Variants in HIP1 observed in about 807,000 individuals in gnomAD.
The protein encoded by HIP1 is huntingtin interacting protein 1.
In HIP1, 65 loss-of-function variants were observed where a neutral mutation model predicts 147.6. The observed-to-expected ratio is 0.44, with a 90% confidence interval of 0.36 to 0.54. The LOEUF is 0.54. HIP1 is among the 20% of genes least tolerant of loss of function. HIP1 has a pLI of 0.00. For synonymous variants in HIP1, 479 were observed against 504.0 expected (o/e 0.95, Z 0.67); for missense variants, 1,061 against 1,299.6 (o/e 0.82, Z 2.82).
intron 1 of HIP1, among the ~76,000 whole-genome samples, chr7:75,638,005 T>TACACACACACAC (rs372119007): frequency 4.5e-4 from 20 of 44,006 alleles, no homozygotes; most frequent in African/African-American, 2.1e-3. Context: ...CACACACACA[T>TACACACACACAC]ACACACACAC....
chr7:75,704,333 C>T (rs1324097163), intron 1 of HIP1, among the ~76,000 whole-genome samples: 4 of 152,086 alleles, frequency 2.6e-5, no homozygotes, highest in Non-Finnish European at 5.9e-5. Context: ...GCAACCTCCG[C>T]CTCCCGGTTC....
At chr7:75,555,653 C>T (rs1415730076) in intron 18 of HIP1, 102 bp from the exon 19 acceptor site, 1 of 1,242,922 alleles carries the variant, frequency 8.0e-7, no homozygotes, top group Non-Finnish European at 1.1e-6. Flanking sequence ...CAAGTCATGG[C>T]CAATGAGGTC....
At chr7:75,654,191 T>C (rs1799077947) in intron 1 of HIP1, among the ~76,000 whole-genome samples, 1 of 152,078 alleles carries the variant, frequency 6.6e-6, no homozygotes. Flanking sequence ...GGTCAGGAGT[T>C]TAAGACCAGC....
At position 75,581,250 on chromosome 7, in the gene HIP1, G is replaced by C; in HGVS notation, c.591C>G (p.Asn197Lys). ...GAAGAGACTCACCTGTTTGGAAGAG[G>C]TTGAGTTCACACTCCAGGTAGTCAA... The part of the protein sequence containing the change: ...EMFDYLECEL[N>K]LFQTVFNSLD... The change falls in exon 7 of 31, where the codon AAC becomes AAG. Residue 197 changes from asparagine (N) to lysine (K), a missense_variant. Coordinates refer to ENST00000336926, the MANE Select transcript of HIP1 (RefSeq NM_005338.7). 1.2e-6 allele frequency: 2 copies of C among 1,611,058 alleles called. No individual in the cohort carries two copies. Among genetic ancestry groups the C allele is most frequent in the Non-Finnish European group, 1.7e-6 (2 of 1,178,408 alleles).
At chr7:75,632,718 T>A (rs1798276361) in intron 1 of HIP1, among the ~76,000 whole-genome samples, 1 of 152,002 alleles carries the variant, frequency 6.6e-6, no homozygotes, top group Admixed American at 6.6e-5. Flanking sequence ...CTTTACAAAT[T>A]ACCAGGTCTC....
In HIP1 at chr7:75,568,076, A is replaced by G. The variant is rs782807919; in HGVS notation, c.803+123T>C. On this transcript the variant is annotated intron_variant, in intron 9 of 30. Coordinates refer to ENST00000336926, the MANE Select transcript of HIP1 (RefSeq NM_005338.7). This position sits in a 1 kb window ranked among gnomAD's most constrained non-coding sequence, Gnocchi z 4.1. Reference sequence around the variant, plus strand: ...AGTGATCCTCCCGCCTCAGCCTCCCAAAGAGTTGGGGTTACAGGCATGAAC... The same window carrying G: ...AGTGATCCTCCCGCCTCAGCCTCCCGAAGAGTTGGGGTTACAGGCATGAAC... The G allele has an allele frequency of 4.1e-6, 3 of 739,904 alleles. No homozygotes were observed. The highest frequency in any genetic ancestry group is 7.4e-6 in the Non-Finnish European group (3 of 408,034). 45.8% of individuals were successfully genotyped at this position (739,904 alleles called of 1,614,324 possible).
At position 75,537,953 on chromosome 7, in the gene HIP1, A is replaced by AGT. The variant is rs2116709582; in HGVS notation, c.*218_*219insAC. 1 of 585,356 alleles carries AGT rather than the reference A, an allele frequency of 1.7e-6. No individual in the cohort carries two copies. The highest frequency in any genetic ancestry group is 1.9e-5 in the African/African-American group (1 of 53,428). 36.3% of individuals were successfully genotyped at this position (585,356 alleles called of 1,614,324 possible). On this transcript the variant is annotated 3_prime_UTR_variant, in exon 31 of 31. Coordinates refer to ENST00000336926, the MANE Select transcript of HIP1 (RefSeq NM_005338.7). ...GCACTGGCCAGCCTGGATGCTAACT[A>AGT]GGGAGGCGGGAAAAGAACAGAGATG...
At chr7:75,669,073 C>CAAACA (rs1799652205) in intron 1 of HIP1, among the ~76,000 whole-genome samples, 2 of 146,120 alleles carry the variant, frequency 1.4e-5, no homozygotes, top group Admixed American at 1.4e-4. Flanking sequence ...AACAAACAAA[C>CAAACA]AAAAAAAACA....
intron 1 of HIP1, among the ~76,000 whole-genome samples, chr7:75,716,316 C>T (rs993129556): frequency 6.6e-6 from 1 of 151,806 alleles, no homozygotes; most frequent in Non-Finnish European, 1.5e-5. Context: ...CAACCTCCAC[C>T]TCCTGGATTC....
chr7:75,662,675 T>A (rs1554513833), intron 1 of HIP1, among the ~76,000 whole-genome samples: 1 of 152,064 alleles, frequency 6.6e-6, no homozygotes, highest in African/African-American at 2.4e-5. Context: ...CTGGCTAATT[T>A]CTGTATTTTT....
intron 1 of HIP1, among the ~76,000 whole-genome samples, chr7:75,690,090 T>A (rs994250847): frequency 2.6e-5 from 4 of 152,022 alleles, no homozygotes; most frequent in African/African-American, 9.7e-5. Flanking sequence ...ATGGGCAACA[T>A]GGCAAAACCC....
intron 8 of HIP1, among the ~76,000 whole-genome samples, chr7:75,571,202 C>G (rs900337439): frequency 2.0e-5 from 3 of 152,072 alleles, no homozygotes; most frequent in African/African-American, 7.2e-5. Flanking sequence ...ACTGGGACTG[C>G]AGGTGTGCAC....
chr7:75,586,813 A>G lies in HIP1; in HGVS notation c.405T>C (p.Tyr135=), dbSNP rs372524247. The change falls in exon 5 of 31, where the codon TAT becomes TAC. Residue 135 remains tyrosine (Y), a synonymous_variant. Transcript: ENST00000336926. ...TCAGGTAGATGCTGCACAGCTGGCC[A>G]TACCCCTCGCTCAGGTGGCCCTTTT... is the stretch of plus-strand genomic sequence containing the variant. The part of the protein sequence containing the change: ...SRMWGHLSEG[Y]GQLCSIYLKL... The G allele has an allele frequency of 1.4e-4, 233 of 1,613,280 alleles. No individual in the cohort carries two copies. The highest frequency in any genetic ancestry group is 8.2e-4 in the Admixed American group (49 of 59,960).
At chr7:75,602,190 A>C (rs191975973) in intron 1 of HIP1, among the ~76,000 whole-genome samples, 1 of 150,756 alleles carries the variant, frequency 6.6e-6, no homozygotes. Flanking sequence ...TAGTAGAGAC[A>C]GGGTTTCGCT....
chr7:75,634,948 A>G (rs1554509423), intron 1 of HIP1, among the ~76,000 whole-genome samples: 1 of 119,124 alleles, frequency 8.4e-6, no homozygotes, highest in African/African-American at 4.2e-5. Context: ...TCTGAAAAAA[A>G]AAAAAAAAAA....
intron 1 of HIP1, among the ~76,000 whole-genome samples, chr7:75,644,169 CATT>C (rs1798732366): frequency 6.6e-6 from 1 of 152,156 alleles, no homozygotes; most frequent in Non-Finnish European, 1.5e-5. Context: ...GGCTAATAAA[CATT>C]ATTCCTCCCA....
intron 1 of HIP1, among the ~76,000 whole-genome samples, chr7:75,707,753 T>C (rs1801047623): frequency 7.1e-6 from 1 of 140,470 alleles, no homozygotes; most frequent in South Asian, 2.3e-4. Context: ...AAAACAGAGA[T>C]ATAGATCAAT....
intron 1 of HIP1, among the ~76,000 whole-genome samples, chr7:75,631,300 T>C (rs1554508835): frequency 6.6e-6 from 1 of 152,104 alleles, no homozygotes; most frequent in African/African-American, 2.4e-5. Context: ...AGTGAGCATC[T>C]TGACAGTGCT....
chr7:75,568,386 G>A lies in HIP1; in HGVS notation c.746-130C>T, dbSNP rs1795489491. On this transcript the variant is annotated intron_variant, in intron 8 of 30. Coordinates refer to ENST00000336926, the MANE Select transcript of HIP1 (RefSeq NM_005338.7). This position sits in a 1 kb window ranked among gnomAD's most constrained non-coding sequence, Gnocchi z 4.1. ...GCCAGCACTGCCAGGGGCCACGACT[G>A]GCCTAGAGCTGTCCCGAGGTCTGGT... 3 of 707,440 alleles carry A rather than the reference G, an allele frequency of 4.2e-6. No homozygotes were observed. The Admixed American group carries it at 6.3e-5, about 15-fold the overall frequency. 43.8% of individuals were successfully genotyped at this position (707,440 alleles called of 1,614,324 possible). A position where few individuals can be genotyped will look rare whatever the true frequency, so the allele number is the denominator to read the frequency against.
Sources: allele counts gnomAD v4.1 joint callset (sites outside exome capture counted in the v4.1 genomes callset), GRCh38; gene constraint gnomAD v4.1.1; non-coding constraint Gnocchi (gnomAD v3.1); transcripts MANE v1.5; gene names NCBI Gene and HGNC (gene_info 2026-07-23, HGNC 2026-07-21).